The following NAALADL2 variants were observed in gnomAD, a reference collection of about 807,000 sequenced individuals.
NAALADL2 encodes the protein inactive N-acetylated-alpha-linked acidic dipeptidase-like protein 2.
NAALADL2 carries 76 observed loss-of-function variants against 87.2 expected under a neutral mutation model. The ratio of observed to expected loss-of-function variants is 0.87; its 90% confidence interval spans 0.72 to 1.05. The LOEUF is 1.05. NAALADL2 is among the 50% of genes least tolerant of loss of function. The pLI is 0.00. For synonymous variants in NAALADL2, 354 were observed against 331.0 expected (o/e 1.07, Z -0.75); for missense variants, 1,089 against 945.8 (o/e 1.15, Z -1.99).
At chr3:174,520,224 C>T (rs1310909633) in intron 1 of NAALADL2, among the ~76,000 whole-genome samples, 7 of 152,162 alleles carry the variant, frequency 4.6e-5, no homozygotes, top group East Asian at 3.9e-4. Context: ...TCCTAAAGTT[C>T]GTATGGAATC....
chr3:175,758,552 T>C (rs931884476), intron 13 of NAALADL2, among the ~76,000 whole-genome samples: 1 of 152,040 alleles, frequency 6.6e-6, no homozygotes, highest in African/African-American at 2.4e-5. Flanking sequence ...ACTTCATGTT[T>C]TTTCTTGATA....
intron 4 of NAALADL2, among the ~76,000 whole-genome samples, chr3:175,283,675 T>G (rs59899176): frequency 0.058 from 8,804 of 152,192 alleles, 790 homozygotes; most frequent in African/African-American, 0.19. Flanking sequence ...CAGTAGCTTT[T>G]CTTATGTGCT....
intron 5 of NAALADL2, among the ~76,000 whole-genome samples, chr3:175,405,301 T>A (rs1317645269): frequency 1.3e-5 from 2 of 152,122 alleles, no homozygotes; most frequent in Non-Finnish European, 2.9e-5. Flanking sequence ...AATAAATAAT[T>A]ATTGTGGTGG....
intron 5 of NAALADL2, among the ~76,000 whole-genome samples, chr3:175,365,587 A>G (rs1280242134): frequency 6.8e-6 from 1 of 147,398 alleles, no homozygotes; most frequent in Admixed American, 7.0e-5. Flanking sequence ...GATTCCACGA[A>G]GGCAAAATAA....
At chr3:175,463,977 C>T (rs1723588867) in intron 7 of NAALADL2, among the ~76,000 whole-genome samples, 1 of 151,952 alleles carries the variant, frequency 6.6e-6, no homozygotes. Context: ...CTACAGGCAC[C>T]CACCACCAAG....
chr3:174,498,668 A>T (rs932538855), intron 1 of NAALADL2, among the ~76,000 whole-genome samples: 1 of 151,440 alleles, frequency 6.6e-6, no homozygotes, highest in South Asian at 2.1e-4. Context: ...ATGAACTATC[A>T]AACTATTTTC....
At chr3:174,449,340 C>T (rs1715300713) in intron 1 of NAALADL2, among the ~76,000 whole-genome samples, 3 of 152,136 alleles carry the variant, frequency 2.0e-5, no homozygotes, top group Admixed American at 2.0e-4. Flanking sequence ...AAACAAAAAA[C>T]ATTTCAGCAC....
At chr3:174,797,356 G>A (rs1227025656) in intron 3 of NAALADL2, among the ~76,000 whole-genome samples, 4 of 119,456 alleles carry the variant, frequency 3.3e-5, no homozygotes, top group South Asian at 5.6e-4. Flanking sequence ...TTGTCACCCA[G>A]GCTGGAGTGC....
At chr3:174,707,595 A>G (rs1295015648) in intron 2 of NAALADL2, among the ~76,000 whole-genome samples, 2 of 140,360 alleles carry the variant, frequency 1.4e-5, no homozygotes, top group Non-Finnish European at 3.0e-5. Context: ...GAATTGAACA[A>G]TGAGAACGCC....
At chr3:174,976,969 G>A (rs924643195) in intron 1 of NAALADL2, among the ~76,000 whole-genome samples, 14 of 152,098 alleles carry the variant, frequency 9.2e-5, no homozygotes, top group Non-Finnish European at 1.3e-4. Flanking sequence ...AGAATCTTGG[G>A]GCAGCTAGCC....
At chr3:174,657,730 C>T (rs1035563577) in intron 2 of NAALADL2, among the ~76,000 whole-genome samples, 5 of 152,140 alleles carry the variant, frequency 3.3e-5, no homozygotes, top group African/African-American at 1.2e-4. Flanking sequence ...ATTATAGTAT[C>T]TGTCATACAA....
intron 1 of NAALADL2, among the ~76,000 whole-genome samples, chr3:174,541,670 A>C (rs1515583): frequency 0.12 from 18,845 of 152,166 alleles, 2,172 homozygotes; most frequent in East Asian, 0.48. Context: ...TGTAGAATTC[A>C]GTATGTTTCT....
At chr3:175,249,880 A>T (rs13073327) in intron 3 of NAALADL2, among the ~76,000 whole-genome samples, 41,426 of 152,040 alleles carry the variant, frequency 0.27, 6,915 homozygotes, top group South Asian at 0.42. Flanking sequence ...TGATAAGATT[A>T]TATTCTTGCC....
intron 5 of NAALADL2, among the ~76,000 whole-genome samples, chr3:175,436,174 A>G (rs1254324292): frequency 2.1e-5 from 3 of 144,100 alleles, no homozygotes; most frequent in Non-Finnish European, 4.5e-5. Flanking sequence ...TACAAAGGAC[A>G]TGAACTCATC....
intron 11 of NAALADL2, among the ~76,000 whole-genome samples, chr3:175,644,471 C>T (rs1384784118): frequency 6.6e-6 from 1 of 151,948 alleles, no homozygotes; most frequent in Non-Finnish European, 1.5e-5. Flanking sequence ...GCACAATTTG[C>T]ATTTTTCAAT....
chr3:175,634,071 T>C (rs1728179625), intron 11 of NAALADL2, among the ~76,000 whole-genome samples: 1 of 151,872 alleles, frequency 6.6e-6, no homozygotes, highest in Non-Finnish European at 1.5e-5. Flanking sequence ...AATAGAGTTA[T>C]ATTTTCCCTT....
rs1357651225 is a variant in NAALADL2 at position 175,258,320 on chromosome 3, C to G, written c.939+1790C>G. 2.4e-3 allele frequency among the ~76,000 whole-genome samples: 241 copies of G among 99,728 alleles called. 1 individual carries two copies. The highest frequency in any genetic ancestry group is 3.5e-3 in the Admixed American group (31 of 8,968). 65.4% of individuals were successfully genotyped at this position (99,728 alleles called of 152,430 possible). ...GCGAGACTCCGTCCCTCCGCCCCCA[C>G]CACCAAAAAAAAAAAAAAAAAAAGA... On this transcript the variant is annotated intron_variant, in intron 4 of 13. Transcript: ENST00000454872.
intron 3 of NAALADL2, among the ~76,000 whole-genome samples, chr3:174,749,855 A>C (rs752086332): frequency 2.0e-5 from 3 of 152,166 alleles, no homozygotes; most frequent in Admixed American, 1.3e-4. Flanking sequence ...TAGTGCACTA[A>C]GTTGATCAAA....
At chr3:175,489,837 A>G (rs977472993) in intron 9 of NAALADL2, among the ~76,000 whole-genome samples, 1 of 152,202 alleles carries the variant, frequency 6.6e-6, no homozygotes, top group Non-Finnish European at 1.5e-5. Flanking sequence ...ATAAAGCATT[A>G]TTCCTTATGA....
Sources: allele counts gnomAD v4.1 joint callset (sites outside exome capture counted in the v4.1 genomes callset), GRCh38; gene constraint gnomAD v4.1.1; transcripts MANE v1.5; gene names NCBI Gene and HGNC (gene_info 2026-07-23, HGNC 2026-07-21).